GARNL3: variants seen among roughly 807,000 people sequenced by gnomAD.
GARNL3 encodes the protein GTPase activating Rap/RanGAP domain like 3.
Under a neutral mutation model 125.0 loss-of-function variants are expected in GARNL3, and 63 were observed. The ratio of observed to expected loss-of-function variants is 0.50; its 90% confidence interval spans 0.41 to 0.62. The LOEUF (loss-of-function observed/expected upper bound fraction) is 0.62, where lower values mean the gene tolerates loss of function less well. GARNL3 is among the 20% of genes least tolerant of loss of function. The pLI is 0.00. For missense variants in GARNL3, 994 were observed against 1,244.0 expected (o/e 0.80, Z 3.02); for synonymous variants, 439 against 457.5 (o/e 0.96, Z 0.52).
chr9:127,334,415 C>A (rs1355885780), intron 9 of GARNL3, among the ~76,000 whole-genome samples: 3 of 152,192 alleles, frequency 2.0e-5, no homozygotes, highest in Non-Finnish European at 1.5e-5. Flanking sequence ...ATCTTCCCAC[C>A]AGCCTGCCAT....
At chr9:127,262,459 G>A (rs998782695), upstream of GARNL3, among the ~76,000 whole-genome samples, 2 of 152,212 alleles carry the variant, frequency 1.3e-5, no homozygotes, top group Non-Finnish European at 2.9e-5. Flanking sequence ...TTCAGAGGAT[G>A]TGCTGGAAGT....
chr9:127,265,198 T>C (rs1362246010), intron 1 of GARNL3, among the ~76,000 whole-genome samples, 177 bp downstream of exon 1: 1 of 152,250 alleles, frequency 6.6e-6, no homozygotes, highest in Non-Finnish European at 1.5e-5. Flanking sequence ...CTTTATCTAT[T>C]TGTTTTTATT....
At chr9:127,344,645 G>A (rs1234568996) in intron 15 of GARNL3, among the ~76,000 whole-genome samples, 1 of 152,154 alleles carries the variant, frequency 6.6e-6, no homozygotes, top group Admixed American at 6.5e-5. Context: ...TGCCTCCTAG[G>A]AATTTTCTGA....
At chr9:127,299,112 T>C (rs867655491) in intron 2 of GARNL3, among the ~76,000 whole-genome samples, 3 of 152,086 alleles carry the variant, frequency 2.0e-5, no homozygotes, top group Admixed American at 6.5e-5. Flanking sequence ...GCCAGGAGAC[T>C]GAGACCATCC....
chr9:127,346,304 A>T (rs768993949), intron 16 of GARNL3, among the ~76,000 whole-genome samples: 25 of 152,256 alleles, frequency 1.6e-4, no homozygotes, highest in Non-Finnish European at 3.4e-4. Context: ...AGTGTCCATT[A>T]TAAAAGCAAA....
At chr9:127,380,875 A>C (rs1328640592) in intron 22 of GARNL3, among the ~76,000 whole-genome samples, 3 of 152,130 alleles carry the variant, frequency 2.0e-5, no homozygotes, top group Admixed American at 6.5e-5. Flanking sequence ...AATTCATTGA[A>C]TTGTACATTT....
intron 1 of GARNL3, among the ~76,000 whole-genome samples, chr9:127,265,573 CTA>C (rs138832077): frequency 5.3e-5 from 8 of 152,048 alleles, no homozygotes; most frequent in African/African-American, 1.9e-4. Context: ...AGTGTTTGTG[CTA>C]TGATTTTTAA....
intron 26 of GARNL3, among the ~76,000 whole-genome samples, chr9:127,389,667 T>A (rs76446406): frequency 6.6e-6 from 1 of 152,248 alleles, no homozygotes; most frequent in Non-Finnish European, 1.5e-5. Flanking sequence ...ACCTGTTATC[T>A]CAGCATTTTG....
intron 22 of GARNL3, among the ~76,000 whole-genome samples, chr9:127,376,508 G>A (rs62579678): frequency 0.31 from 47,242 of 152,080 alleles, 8,017 homozygotes; most frequent in Middle Eastern, 0.45. Flanking sequence ...ATGAGTCACC[G>A]TGCTGGGCCA....
chr9:127,334,622 C>G lies in GARNL3; in HGVS notation c.770-608C>G, dbSNP rs557986367. ...TCTCCAATATGGTCATAACAACCAT[C>G]CACTGAGCCCTTGATACAGCCAGGC... On this transcript the variant is annotated intron_variant, in intron 9 of 27. Transcript: ENST00000373387. Among the ~76,000 whole-genome samples, 82 of 152,324 alleles carry G rather than the reference C, an allele frequency of 5.4e-4. 2 individuals carry two copies. Among genetic ancestry groups the G allele is most frequent in the South Asian group, 1.0e-3 (5 of 4,828 alleles).
At chr9:127,270,155 T>C (rs1247102978) in intron 1 of GARNL3, among the ~76,000 whole-genome samples, 1 of 152,152 alleles carries the variant, frequency 6.6e-6, no homozygotes, top group Non-Finnish European at 1.5e-5. Context: ...ACATCCAGTT[T>C]TCCCAGCACC....
chr9:127,291,707 G>A (rs1203736713), intron 2 of GARNL3, among the ~76,000 whole-genome samples: 1 of 148,202 alleles, frequency 6.7e-6, no homozygotes, highest in Non-Finnish European at 1.5e-5. Flanking sequence ...CTTGCTGCAG[G>A]CCACAGGGAC....
At chr9:127,330,838 C>T (rs1829192212) in intron 7 of GARNL3, among the ~76,000 whole-genome samples, 1 of 152,106 alleles carries the variant, frequency 6.6e-6, no homozygotes, top group Non-Finnish European at 1.5e-5. Context: ...CCTCTCTCTT[C>T]CTGTATAGAA....
At chr9:127,297,365 C>G (rs534431489) in intron 2 of GARNL3, among the ~76,000 whole-genome samples, 145 of 152,310 alleles carry the variant, frequency 9.5e-4, no homozygotes, top group Non-Finnish European at 1.8e-3. Context: ...TCTTAAACTC[C>G]TGGGCTCAAG....
At chr9:127,259,707 G>A (rs962249679), upstream of GARNL3, among the ~76,000 whole-genome samples, 1 of 151,924 alleles carries the variant, frequency 6.6e-6, no homozygotes, top group Non-Finnish European at 1.5e-5. Flanking sequence ...CAACTTTCCA[G>A]GTCCCTTTCT....
rs1440676125 is a variant in GARNL3, at chr9:127,310,005, G to A, written c.220-1631G>A. ...CTAACACAGTCTCAGCCCAGACCATGCAAGATTCAGACATTTACTGTAAAC... is the reference window on the plus strand; with the variant it reads ...CTAACACAGTCTCAGCCCAGACCATACAAGATTCAGACATTTACTGTAAAC... On this transcript the variant is annotated intron_variant, in intron 2 of 27. Transcript: ENST00000373387. Among the ~76,000 whole-genome samples, 8 of 152,304 alleles carry A rather than the reference G, an allele frequency of 5.3e-5. No individual in the cohort carries two copies. In the East Asian group the frequency reaches 1.5e-3, roughly 29 times the overall value.
chr9:127,378,981 G>T (rs1470864913), intron 22 of GARNL3, among the ~76,000 whole-genome samples: 1 of 152,012 alleles, frequency 6.6e-6, no homozygotes, highest in Non-Finnish European at 1.5e-5. Flanking sequence ...TTTCACCATG[G>T]TGGCCAGGCT....
chr9:127,230,234 T>G (rs546610356), intron 1 of GARNL3, among the ~76,000 whole-genome samples: 1 of 152,240 alleles, frequency 6.6e-6, no homozygotes, highest in East Asian at 1.9e-4. Context: ...CCTCTGAACC[T>G]TAGTTAACTC....
At position 127,357,300 on chromosome 9, in the gene GARNL3, G is replaced by T. The variant is rs1212929590; in HGVS notation, c.2017G>T (p.Ala673Ser). Residue 673 changes from alanine to serine, a missense_variant, in exon 21 of 28, where the codon GCT becomes TCT. Physicochemically the swap from Ala to Ser is moderately conservative, Grantham distance 99. This residue lies in a region of GARNL3 where 728 missense variants were observed against 865.7 expected (regional missense o/e 0.84). Coordinates refer to ENST00000373387, the MANE Select transcript of GARNL3 (RefSeq NM_032293.5). ...AEESDNLICV[A>S]YRHQFDVVNE... The stretch of plus-strand genomic sequence containing the variant: ...AGAGAGTGACAATCTCATCTGTGTG[G>T]CTTATCGACACCAATTTGATGTGGT... 4.3e-6 allele frequency: 7 copies of T among 1,614,068 alleles called. No individual in the cohort carries two copies. Among genetic ancestry groups the T allele is most frequent in the African/African-American group, 1.3e-5 (1 of 74,922 alleles).
Sources: gnomAD v4.1 joint callset for allele counts (sites outside exome capture counted in the v4.1 genomes callset) on GRCh38, gnomAD v4.1.1 for gene constraint, gnomAD v4.1.1 regional missense constraint, MANE v1.5 for transcripts, NCBI Gene and HGNC (gene_info 2026-07-23, HGNC 2026-07-21) for gene names.